CARF: variants seen among roughly 807,000 people sequenced by gnomAD.
CARF encodes calcium responsive transcription factor, also known as calcium-responsive transcription factor.
Under a neutral mutation model 82.0 loss-of-function variants are expected in CARF, and 57 were observed. The observed-to-expected ratio is 0.70, with a 90% CI of 0.56 to 0.87. The LOEUF is 0.87. Among genes scored for constraint, CARF ranks in the 40% least tolerant of loss-of-function variants. The pLI is 0.00. For synonymous variants in CARF, 268 were observed against 290.1 expected, an observed-to-expected ratio of 0.92 and a Z score of 0.77; for missense variants, 771 against 855.8, an observed-to-expected ratio of 0.90 and a Z score of 1.24.
intron 3 of CARF, among the ~76,000 whole-genome samples, chr2:202,931,730 A>G (rs1158348676): frequency 2.8e-5 from 4 of 145,300 alleles, no homozygotes; most frequent in African/African-American, 1.1e-4. Flanking sequence ...AACGTCAGCA[A>G]TAACTGGGTG....
At chr2:202,952,447 CAT>C in intron 5 of CARF, 110 bp from the exon 6 acceptor site, 2 of 999,132 alleles carry the variant, frequency 2.0e-6, no homozygotes, top group Non-Finnish European at 2.8e-6. Context: ...TGGGGGAAAT[CAT>C]AGAATCCATC....
intron 1 of CARF, among the ~76,000 whole-genome samples, chr2:202,913,461 T>TA (rs1271628802): frequency 6.6e-6 from 1 of 152,216 alleles, no homozygotes; most frequent in African/African-American, 2.4e-5. Context: ...ATCAAATAGT[T>TA]ACTAATTCCA....
chr2:202,979,296 G>T (rs2060152570), intron 14 of CARF, among the ~76,000 whole-genome samples: 1 of 152,082 alleles, frequency 6.6e-6, no homozygotes, highest in African/African-American at 2.4e-5. Flanking sequence ...ATAAGAGGTT[G>T]TGATCAGAGA....
intron 3 of CARF, among the ~76,000 whole-genome samples, chr2:202,932,185 A>T (rs1302122243): frequency 6.6e-6 from 1 of 152,072 alleles, no homozygotes; most frequent in Non-Finnish European, 1.5e-5. Context: ...AGAAACCCCC[A>T]CCATGATCCA....
At chr2:202,927,128 T>C (rs1320197827) in intron 3 of CARF, among the ~76,000 whole-genome samples, 1 of 152,204 alleles carries the variant, frequency 6.6e-6, no homozygotes, top group Non-Finnish European at 1.5e-5. Flanking sequence ...TTTGTGCTTT[T>C]TTTTCTTTCT....
chr2:202,952,254 A>T (rs1024976377), intron 5 of CARF, among the ~76,000 whole-genome samples: 1 of 152,226 alleles, frequency 6.6e-6, no homozygotes, highest in Admixed American at 6.5e-5. Context: ...TATTACATCC[A>T]GACAGACTTG....
At chr2:202,942,553 G>A (rs2058279915) in intron 4 of CARF, 187 bp from the exon 5 acceptor site, 1 of 763,582 alleles carries the variant, frequency 1.3e-6, no homozygotes, top group Non-Finnish European at 1.6e-6. Flanking sequence ...GTAAAATTAA[G>A]ATAGTAAGTA....
chr2:202,966,936 T>G (rs753841391), intron 9 of CARF, 42 bp from the exon 10 acceptor site: 3 of 1,602,776 alleles, frequency 1.9e-6, no homozygotes, highest in Non-Finnish European at 2.6e-6. Flanking sequence ...CTAGAATAGA[T>G]GGACACTTGA....
intron 2 of CARF, among the ~76,000 whole-genome samples, chr2:202,923,982 G>A (rs1691330918): frequency 6.6e-6 from 1 of 152,136 alleles, no homozygotes; most frequent in South Asian, 2.1e-4. Flanking sequence ...AACTCAAGAT[G>A]GATTAAGGAC....
At chr2:202,948,166 TG>T (rs1292766398) in intron 5 of CARF, among the ~76,000 whole-genome samples, 1 of 152,180 alleles carries the variant, frequency 6.6e-6, no homozygotes, top group East Asian at 1.9e-4. Context: ...TGGTTGCAGG[TG>T]TGCAGCCTTG....
In CARF at chr2:202,969,999, T is replaced by G. The variant is rs2059719102; in HGVS notation, c.1034T>G (p.Met345Arg). The change falls in exon 11 of 17, where the codon ATG (methionine) becomes AGG (arginine). Residue 345 changes from methionine (M) to arginine (R), a missense_variant. By Grantham distance (91) the Met-to-Arg change is moderately conservative. Transcript: ENST00000438828. ...DPKIDKKIIR[M>R]EQEKAFNMLK... is the part of the protein sequence containing the mutation. ...AAAATTGACAAGAAAATTATCAGAA[T>G]GGAGCAGGAGAAAGCTTTTAACATG... 6.3e-7 allele frequency: 1 copy of G among 1,579,788 alleles called. No individual in the cohort carries two copies. The highest frequency in any genetic ancestry group is 1.4e-5 in the African/African-American group (1 of 72,660).
intron 1 of CARF, among the ~76,000 whole-genome samples, chr2:202,917,234 A>AAAAG (rs1689891125): frequency 6.6e-6 from 1 of 150,632 alleles, no homozygotes; most frequent in Non-Finnish European, 1.5e-5. Context: ...AAAAAAAAAA[A>AAAAG]AAGCGCTGAG....
chr2:202,947,135 C>G (rs551464291), intron 5 of CARF, among the ~76,000 whole-genome samples: 41 of 152,188 alleles, frequency 2.7e-4, no homozygotes, highest in African/African-American at 8.7e-4. Flanking sequence ...TGTGTATACC[C>G]AAAGGATTAT....
intron 3 of CARF, among the ~76,000 whole-genome samples, chr2:202,928,501 T>G (rs150693876): frequency 7.4e-4 from 113 of 152,308 alleles, no homozygotes; most frequent in African/African-American, 2.3e-3. Flanking sequence ...TTAGTGGAAT[T>G]GCTGGATCAT....
intron 2 of CARF, among the ~76,000 whole-genome samples, chr2:202,922,503 A>G (rs966208471): frequency 1.3e-5 from 2 of 152,210 alleles, no homozygotes; most frequent in African/African-American, 4.8e-5. Flanking sequence ...GACAAGAGAA[A>G]GAAATAAAGA....
intron 5 of CARF, among the ~76,000 whole-genome samples, chr2:202,945,630 A>C (rs535450867): frequency 6.6e-6 from 1 of 152,342 alleles, no homozygotes; most frequent in Admixed American, 6.5e-5. Context: ...CGTTCCCACA[A>C]AAGACATGAT....
chr2:202,931,898 C>G (rs1429623119), intron 3 of CARF, among the ~76,000 whole-genome samples: 1 of 152,198 alleles, frequency 6.6e-6, no homozygotes, highest in African/African-American at 2.4e-5. Flanking sequence ...CTGTATTAGT[C>G]TGTTCTTGCA....
At chr2:202,933,812 G>A (rs944027991) in intron 3 of CARF, among the ~76,000 whole-genome samples, 15 of 152,088 alleles carry the variant, frequency 9.9e-5, no homozygotes, top group South Asian at 2.1e-4. Context: ...CTTATTCCTC[G>A]TAATTGAAAT....
At chr2:202,962,092 A>C (rs1371190413) in intron 9 of CARF, 1 of 152,290 alleles carries the variant, frequency 6.6e-6, no homozygotes, top group African/African-American at 2.4e-5. Context: ...GAGGTTAATG[A>C]GATATACTTA....
Sources: allele counts gnomAD v4.1 joint callset (sites outside exome capture counted in the v4.1 genomes callset), GRCh38; gene constraint gnomAD v4.1.1; transcripts MANE v1.5; gene names NCBI Gene and HGNC (gene_info 2026-07-23, HGNC 2026-07-21).